Variants in ANXA8 observed in about 807,000 individuals in gnomAD.
ANXA8 encodes annexin A8.
Under a neutral mutation model 26.8 loss-of-function variants are expected in ANXA8, and 9 were observed. The ratio of observed to expected loss-of-function variants is 0.34; its 90% CI spans 0.20 to 0.59. The LOEUF (loss-of-function observed/expected upper bound fraction) is 0.59. Ranked by LOEUF, ANXA8 falls within the 20% of genes least tolerant of loss-of-function variation. The pLI is 0.84. For missense variants in ANXA8, 83 were observed against 238.5 expected (o/e 0.35, Z 4.29); for synonymous variants, 39 against 94.8 (o/e 0.41, Z 3.42).
the ANXA8 span, among the ~76,000 whole-genome samples, chr10:47,575,498 C>A: frequency 7.6e-6 from 1 of 131,180 alleles, no homozygotes; most frequent in Non-Finnish European, 1.6e-5. Context: ...AATTCTCCTG[C>A]CTCAGCCTCC....
chr10:47,593,412 C>A, the ANXA8 span, among the ~76,000 whole-genome samples: 1 of 149,834 alleles, frequency 6.7e-6, no homozygotes, highest in Non-Finnish European at 1.5e-5. Flanking sequence ...TGCACTGTTG[C>A]AGATGCAACA....
the ANXA8 span, among the ~76,000 whole-genome samples, chr10:47,711,060 C>G: frequency 6.7e-6 from 1 of 149,692 alleles, no homozygotes; most frequent in African/African-American, 2.5e-5. Flanking sequence ...AGCCAGAGTA[C>G]TCTGATAAAT....
At chr10:47,762,131 T>C in the ANXA8 span, among the ~76,000 whole-genome samples, 1 of 144,826 alleles carries the variant, frequency 6.9e-6, no homozygotes, top group South Asian at 2.2e-4. Flanking sequence ...GCTGCAAGGC[T>C]GGACTCTTCT....
upstream of ANXA8, among the ~76,000 whole-genome samples, chr10:47,486,185 C>T (rs7087877): frequency 4.7e-4 from 71 of 151,322 alleles, no homozygotes; most frequent in Non-Finnish European, 6.3e-4. Context: ...ATTCTGTAAC[C>T]GTCCAGCAGA....
chr10:47,554,897 C>T, the ANXA8 span, among the ~76,000 whole-genome samples: 6 of 151,556 alleles, frequency 4.0e-5, no homozygotes, highest in African/African-American at 1.5e-4. Context: ...TGTCAGTAGC[C>T]GGGTAAATAA....
At chr10:47,958,870 G>A in the ANXA8 span, among the ~76,000 whole-genome samples, 2 of 149,916 alleles carry the variant, frequency 1.3e-5, no homozygotes, top group Non-Finnish European at 2.9e-5. Context: ...CAGCATGGGG[G>A]AAACCGCCCC....
chr10:47,566,517 C>T, the ANXA8 span, among the ~76,000 whole-genome samples: 1 of 151,038 alleles, frequency 6.6e-6, no homozygotes, highest in African/African-American at 2.4e-5. Context: ...ACCTGGTGTG[C>T]CCCAGAGAGG....
chr10:47,950,610 G>C, the ANXA8 span, among the ~76,000 whole-genome samples: 4 of 149,960 alleles, frequency 2.7e-5, no homozygotes, highest in Admixed American at 2.6e-4. Context: ...CATTTAAGAG[G>C]ACCAAAATAA....
chr10:47,690,942 T>A, the ANXA8 span: 1 of 1,611,244 alleles, frequency 6.2e-7, no homozygotes, highest in Non-Finnish European at 8.5e-7. Flanking sequence ...GAGATTCTGC[T>A]GTAGAAATGG....
the ANXA8 span, among the ~76,000 whole-genome samples, chr10:47,600,458 G>A: frequency 6.7e-6 from 1 of 148,288 alleles, no homozygotes; most frequent in East Asian, 2.0e-4. Flanking sequence ...AGTGACTTGA[G>A]AGCAATCCCT....
At chr10:47,528,082 GTTT>G in the ANXA8 span, among the ~76,000 whole-genome samples, 2 of 127,854 alleles carry the variant, frequency 1.6e-5, no homozygotes, top group Admixed American at 8.1e-5. Flanking sequence ...TTAACAGAAT[GTTT>G]TTTTTTTTTT....
At chr10:47,562,163 T>C in the ANXA8 span, among the ~76,000 whole-genome samples, 2 of 151,894 alleles carry the variant, frequency 1.3e-5, no homozygotes, top group Non-Finnish European at 2.9e-5. Context: ...ATGCTCTTTA[T>C]GATCTGTATA....
the ANXA8 span, among the ~76,000 whole-genome samples, chr10:47,686,244 T>A: frequency 6.7e-6 from 1 of 149,956 alleles, no homozygotes; most frequent in African/African-American, 2.5e-5. Context: ...TTTTTTTTTT[T>A]TTGAGACAGA....
the ANXA8 span, among the ~76,000 whole-genome samples, chr10:47,953,404 A>AACATCAACTTAAGTTGATCAACTTAACTT: frequency 4.6e-4 from 69 of 150,852 alleles, no homozygotes; most frequent in African/African-American, 1.5e-3. Flanking sequence ...GCCTGAACTT[A>AACATCAACTTAAGTTGATCAACTTAACTT]AAGATCAACA....
the ANXA8 span, among the ~76,000 whole-genome samples, chr10:47,645,414 A>AT: frequency 1.4e-5 from 2 of 148,016 alleles, no homozygotes; most frequent in Non-Finnish European, 3.0e-5. Flanking sequence ...GGATGCAAAA[A>AT]CTTTCCTTTT....
the ANXA8 span, among the ~76,000 whole-genome samples, chr10:47,898,841 TTA>T: frequency 1.5e-5 from 2 of 136,754 alleles, no homozygotes; most frequent in African/African-American, 6.0e-5. Context: ...TTTTTTTTTT[TTA>T]GATGTGGTCT....
At chr10:47,593,646 T>A in the ANXA8 span, among the ~76,000 whole-genome samples, 4 of 149,676 alleles carry the variant, frequency 2.7e-5, no homozygotes, top group Non-Finnish European at 5.9e-5. Context: ...CCAAGGAACA[T>A]ATATGGAAAC....
chr10:47,676,993 G>GA, the ANXA8 span, among the ~76,000 whole-genome samples: 66 of 120,012 alleles, frequency 5.5e-4, no homozygotes, highest in Middle Eastern at 4.0e-3. Flanking sequence ...AGAGCTGAAA[G>GA]AAAAAAAAAA....
At chr10:47,495,420 G>C in the ANXA8 span, among the ~76,000 whole-genome samples, 7 of 150,292 alleles carry the variant, frequency 4.7e-5, no homozygotes, top group Non-Finnish European at 8.9e-5. Flanking sequence ...CGAGTAGCTG[G>C]GATTACCGGC....
Sources: gnomAD v4.1 joint callset for allele counts (sites outside exome capture counted in the v4.1 genomes callset) on GRCh38, gnomAD v4.1.1 for gene constraint, MANE v1.5 for transcripts, NCBI Gene and HGNC (gene_info 2026-07-23, HGNC 2026-07-21) for gene names.